GNB5: variants seen among roughly 807,000 people sequenced by gnomAD.
The protein encoded by GNB5 is guanine nucleotide-binding protein subunit beta-5.
In GNB5, 37 loss-of-function variants were observed where a neutral mutation model predicts 55.3. The ratio of observed to expected loss-of-function variants is 0.67; its 90% CI spans 0.51 to 0.88. The LOEUF (loss-of-function observed/expected upper bound fraction) is 0.88, where lower values mean the gene tolerates loss of function less well. Ranked by LOEUF, GNB5 falls within the 40% of genes least tolerant of loss-of-function variation. The pLI is 0.00. For missense variants in GNB5, 476 were observed against 515.3 expected (o/e 0.92, Z 0.74); for synonymous variants, 219 against 198.5 (o/e 1.10, Z -0.87).
At chr15:52,141,623 A>T (rs1321558830) in intron 6 of GNB5, among the ~76,000 whole-genome samples, 5 of 151,984 alleles carry the variant, frequency 3.3e-5, no homozygotes, top group Non-Finnish European at 7.4e-5. Flanking sequence ...AAAAAAAAAT[A>T]GTATACTGAA....
At chr15:52,167,390 C>T (rs2141228623) in intron 3 of GNB5, among the ~76,000 whole-genome samples, 1 of 152,252 alleles carries the variant, frequency 6.6e-6, no homozygotes, top group South Asian at 2.1e-4. Flanking sequence ...AAAACTTTGG[C>T]CGAGTGCAGT....
chr15:52,128,946 T>C (rs529393958), intron 9 of GNB5, among the ~76,000 whole-genome samples: 74 of 145,824 alleles, frequency 5.1e-4, no homozygotes, highest in Admixed American at 2.7e-3. Context: ...CACCTTCCAT[T>C]GTTTCTCCTT....
intron 3 of GNB5, among the ~76,000 whole-genome samples, chr15:52,163,877 G>A (rs570211809): frequency 7.2e-5 from 11 of 152,312 alleles, no homozygotes; most frequent in African/African-American, 2.6e-4. Flanking sequence ...AGAGGAAGGA[G>A]CTGGATGCCA....
rs569892129 is a variant in GNB5, at chr15:52,145,065, G to A, written c.494+2394C>T. Among the ~76,000 whole-genome samples, 6 of 152,256 alleles carry A rather than the reference G, an allele frequency of 3.9e-5. No individual in the cohort carries two copies. In the South Asian group the frequency reaches 1.2e-3, roughly 32 times the overall value. ...GGTTGTGGGGACCCTCAAATTTGCA[G>A]CCAGTATCTGAAGCAAGGGGCAGTC... On this transcript the variant is annotated intron_variant, in intron 6 of 12. Coordinates refer to ENST00000261837, the MANE Select transcript of GNB5 (RefSeq NM_016194.4).
chr15:52,179,982 G>A (rs2141240379), intron 2 of GNB5, 103 bp from the exon 3 acceptor site: 3 of 1,318,058 alleles, frequency 2.3e-6, no homozygotes, highest in East Asian at 7.0e-5. Flanking sequence ...GCACCGCCCC[G>A]CGGCCCCGCC....
intron 3 of GNB5, among the ~76,000 whole-genome samples, chr15:52,161,023 T>C (rs998190003): frequency 3.9e-5 from 6 of 152,204 alleles, no homozygotes; most frequent in African/African-American, 9.7e-5. Flanking sequence ...CCACCATTGA[T>C]TGTGTGTCTC....
At chr15:52,148,955 G>T (rs1274673174) in intron 5 of GNB5, among the ~76,000 whole-genome samples, 1 of 152,230 alleles carries the variant, frequency 6.6e-6, no homozygotes, top group Non-Finnish European at 1.5e-5. Context: ...GGATAAGGTG[G>T]AAACAGAAGC....
At chr15:52,145,798 A>G (rs1361867252) in intron 6 of GNB5, among the ~76,000 whole-genome samples, 1 of 152,038 alleles carries the variant, frequency 6.6e-6, no homozygotes, top group African/African-American at 2.4e-5. Context: ...CTGGCTGGAG[A>G]GGGCTCCAAA....
Position 52,136,155 on chromosome 15 carries a change from CA to C in GNB5, c.628-400del, listed in dbSNP as rs1566935758. Among the ~76,000 whole-genome samples the C allele has an allele frequency of 1.4e-4, 20 of 138,216 alleles. 2 individuals are homozygous for C. Among genetic ancestry groups the C allele is most frequent in the African/African-American group, 4.0e-4 (14 of 35,152 alleles). The allele number at this position is 138,216 out of a possible 152,430, so 90.7% of individuals were successfully genotyped here. The stretch of plus-strand genomic sequence containing the variant: ...ACACACACACACACACACACACACA[CA>C]CACACACACACACACACCCTACCTG... On this transcript the variant is annotated intron_variant, in intron 7 of 12. Transcript: ENST00000261837.
Position 52,121,976 on chromosome 15 carries a change from A to G in GNB5, c.*781T>C, listed in dbSNP as rs2033281154. On this transcript the variant is annotated 3_prime_UTR_variant, in exon 13 of 13. Transcript: ENST00000261837. Reference sequence around the variant, plus strand: ...TAATAGGTTTTTAAATAAGTTTACTATCTTGTGTTCCCACACAGAAGACTT... The same window carrying G: ...TAATAGGTTTTTAAATAAGTTTACTGTCTTGTGTTCCCACACAGAAGACTT... 2 of 152,238 alleles carry G rather than the reference A, an allele frequency of 1.3e-5. No homozygotes were observed. Among genetic ancestry groups the G allele is most frequent in the African/African-American group, 4.8e-5 (2 of 41,464 alleles). 9.4% of individuals were successfully genotyped at this position (152,238 alleles called of 1,614,324 possible).
intron 3 of GNB5, among the ~76,000 whole-genome samples, chr15:52,179,230 C>G (rs2034711865): frequency 6.6e-6 from 1 of 152,186 alleles, no homozygotes; most frequent in South Asian, 2.1e-4. Context: ...CCTTCTCTCT[C>G]CGTCATCCAG....
chr15:52,181,922 A>G (rs2034777823), intron 2 of GNB5, among the ~76,000 whole-genome samples: 2 of 151,898 alleles, frequency 1.3e-5, no homozygotes, highest in Admixed American at 6.6e-5. Context: ...TTATAAATGA[A>G]TAAATATATA....
chr15:52,160,373 C>CT (rs1169975135), intron 3 of GNB5, among the ~76,000 whole-genome samples: 12 of 152,204 alleles, frequency 7.9e-5, no homozygotes, highest in African/African-American at 2.9e-4. Flanking sequence ...TAACAGGCAG[C>CT]TGGCAGGCCA....
intron 9 of GNB5, among the ~76,000 whole-genome samples, chr15:52,130,562 G>T (rs2033549024): frequency 1.3e-5 from 2 of 152,202 alleles, no homozygotes. Context: ...CTGCCATTAA[G>T]AATTCATAAA....
At chr15:52,172,712 A>G (rs2034576455) in intron 3 of GNB5, among the ~76,000 whole-genome samples, 1 of 152,114 alleles carries the variant, frequency 6.6e-6, no homozygotes, top group South Asian at 2.1e-4. Flanking sequence ...GCGGCAGTGA[A>G]CCATGATCGG....
chr15:52,133,679 G>A (rs1260203842), intron 8 of GNB5, among the ~76,000 whole-genome samples: 1 of 152,210 alleles, frequency 6.6e-6, no homozygotes, highest in East Asian at 1.9e-4. Flanking sequence ...GGAGGCAGGA[G>A]GGAAGGCACT....
intron 9 of GNB5, among the ~76,000 whole-genome samples, chr15:52,131,707 CAAG>C (rs2033579932): frequency 6.6e-6 from 1 of 152,176 alleles, no homozygotes; most frequent in Non-Finnish European, 1.5e-5. Flanking sequence ...CATTTGAGGG[CAAG>C]AAGTACTAAA....
intron 7 of GNB5, 39 bp from the exon 8 acceptor site, chr15:52,135,795 T>C (rs2033689012): frequency 6.2e-7 from 1 of 1,606,094 alleles, no homozygotes; most frequent in Non-Finnish European, 8.5e-7. Flanking sequence ...TGGTTGTGGT[T>C]ATTGCTTATG....
At chr15:52,166,960 A>C (rs2034463046) in intron 3 of GNB5, among the ~76,000 whole-genome samples, 1 of 152,186 alleles carries the variant, frequency 6.6e-6, no homozygotes, top group Non-Finnish European at 1.5e-5. Context: ...AGAGAGGAGA[A>C]TCAAATAGAC....
Sources: allele counts gnomAD v4.1 joint callset (sites outside exome capture counted in the v4.1 genomes callset), GRCh38; gene constraint gnomAD v4.1.1; transcripts MANE v1.5; gene names NCBI Gene and HGNC (gene_info 2026-07-23, HGNC 2026-07-21).